The following PRKAG2 variants were observed in gnomAD, a reference collection of about 807,000 sequenced individuals.
PRKAG2 encodes the protein 5'-AMP-activated protein kinase subunit gamma-2.
PRKAG2 carries 26 observed loss-of-function variants against 69.6 expected under a neutral mutation model. That is an observed-to-expected ratio of 0.37 (90% CI 0.27 to 0.52). The LOEUF (loss-of-function observed/expected upper bound fraction) is 0.52. Among genes scored for constraint, PRKAG2 ranks in the 20% least tolerant of loss-of-function variants. The pLI is 0.90. For synonymous variants in PRKAG2, 293 were observed against 285.0 expected (o/e 1.03, Z -0.28); for missense variants, 557 against 740.0 (o/e 0.75, Z 2.87).
intron 1 of PRKAG2, among the ~76,000 whole-genome samples, chr7:151,819,154 AC>A (rs1485557769): frequency 6.6e-6 from 1 of 152,130 alleles, no homozygotes; most frequent in Non-Finnish European, 1.5e-5. Flanking sequence ...AGCCCCGGTG[AC>A]CTGGACGCTA....
chr7:151,576,404 G>C lies in PRKAG2; in HGVS notation c.913C>G (p.Pro305Ala), dbSNP rs767304528. 6.2e-7 allele frequency: 1 copy of C among 1,611,858 alleles called. No homozygotes were observed. Among genetic ancestry groups the C allele is most frequent in the South Asian group, 1.1e-5 (1 of 91,024 alleles). Reference protein sequence around the residue: ...ALVANGVRAAPLWESKKQSFV... With the variant: ...ALVANGVRAAALWESKKQSFV... ...CTTTGTTTTTTACTCTCCCACAGTGGCGCTGCTCGGACACCGTTGGCTACC... is the reference window on the plus strand; with the variant it reads ...CTTTGTTTTTTACTCTCCCACAGTGCCGCTGCTCGGACACCGTTGGCTACC... The change falls in exon 7 of 16, where the codon CCA becomes GCA. Residue 305 changes from proline to alanine, a missense_variant. Pro to Ala is a conservative substitution (Grantham distance 27, BLOSUM62 -1). Around this residue, in one of 2 missense-constraint regions of PRKAG2, gnomAD observed 205 missense variants for 383.4 expected, o/e 0.53. Transcript: ENST00000287878.
At position 151,619,343 on chromosome 7, in the gene PRKAG2, A is replaced by C. The variant is rs1820922954; in HGVS notation, c.754+12726T>G. Among the ~76,000 whole-genome samples the C allele has an allele frequency of 2.0e-5, 3 of 152,366 alleles. No individual in the cohort carries two copies. In the South Asian group the frequency reaches 6.2e-4, roughly 32 times the overall value. ...GAGTGAGACCCACCTTGGCAGGTAC[A>C]GTGGAGCATCCATAATCCAAAAACG... On this transcript the variant is annotated intron_variant, in intron 5 of 15. Transcript: ENST00000287878.
chr7:151,814,865 G>C lies in PRKAG2; in HGVS notation c.115-28324C>G. The C allele has an allele frequency of 1.6e-6, 2 of 1,231,764 alleles. No individual in the cohort carries two copies. Among genetic ancestry groups the C allele is most frequent in the Non-Finnish European group, 2.0e-6 (2 of 987,998 alleles). The allele number at this position is 1,231,764 out of a possible 1,614,324, so 76.3% of individuals were successfully genotyped here. A position where few individuals can be genotyped will look rare whatever the true frequency, so the allele number is the denominator to read the frequency against. Reference sequence around the variant, plus strand: ...CACCTGTGTCAGGCGCTGCTGGGGAGGAAACTCCTTACCACACAGCAAGCC... The same window carrying C: ...CACCTGTGTCAGGCGCTGCTGGGGACGAAACTCCTTACCACACAGCAAGCC... On this transcript the variant is annotated intron_variant, in intron 1 of 15. Transcript: ENST00000287878. This position sits in a 1 kb window ranked among gnomAD's most constrained non-coding sequence, Gnocchi z 4.8.
rs996981715 is a variant in PRKAG2, at chr7:151,614,671, G to C, written c.754+17398C>G. Among the ~76,000 whole-genome samples the C allele has an allele frequency of 1.3e-5, 2 of 152,180 alleles. No homozygotes were observed. Among genetic ancestry groups the C allele is most frequent in the African/African-American group, 4.8e-5 (2 of 41,442 alleles). Reference sequence around the variant, plus strand: ...TCTTTCAGAGCAAACAGCTCGCAGTGATGATCTGTGGCCCTAAGCCCACTT... The same window carrying C: ...TCTTTCAGAGCAAACAGCTCGCAGTCATGATCTGTGGCCCTAAGCCCACTT... On this transcript the variant is annotated intron_variant, in intron 5 of 15. Transcript: ENST00000287878. The surrounding 1 kb of genome is among the most constrained non-coding windows in gnomAD (Gnocchi z 4.4).
At chr7:151,786,330 G>T in intron 2 of PRKAG2, 140 bp downstream of exon 2, 1 of 829,704 alleles carries the variant, frequency 1.2e-6, no homozygotes, top group Non-Finnish European at 2.0e-6. Context: ...TCGCAGGATG[G>T]GCTCGGTTAC....
chr7:151,646,874 C>T (rs1407509623), intron 4 of PRKAG2, among the ~76,000 whole-genome samples: 3 of 152,240 alleles, frequency 2.0e-5, no homozygotes, highest in Admixed American at 6.5e-5. Context: ...CACCATTTGA[C>T]GTGTGCACAC....
chr7:151,680,793 A>G lies in PRKAG2; in HGVS notation c.467-5156T>C, dbSNP rs150724186. On this transcript the variant is annotated intron_variant, in intron 3 of 15. Transcript: ENST00000287878. ...CTGTGCAGGGGTGTCTCCCACGAGG[A>G]CCAGGACCAGGACCTCTGTCCTGTC... is the stretch of plus-strand genomic sequence containing the variant. Among the ~76,000 whole-genome samples, 272 of 152,266 alleles carry G rather than the reference A, an allele frequency of 1.8e-3. 1 individual carries two copies. Among genetic ancestry groups the G allele is most frequent in the African/African-American group, 6.3e-3 (262 of 41,566 alleles).
chr7:151,742,136 G>C (rs554150923), intron 3 of PRKAG2, among the ~76,000 whole-genome samples: 343 of 152,222 alleles, frequency 2.3e-3, no homozygotes, highest in Non-Finnish European at 3.7e-3. Flanking sequence ...ATGTGGACCC[G>C]ATTCCCAAAT....
chr7:151,804,345 G>A (rs1038913303), intron 1 of PRKAG2, among the ~76,000 whole-genome samples: 1 of 152,214 alleles, frequency 6.6e-6, no homozygotes, highest in Non-Finnish European at 1.5e-5. Flanking sequence ...TCCCAGAAGT[G>A]TGGCTGCTGC....
intron 1 of PRKAG2, among the ~76,000 whole-genome samples, chr7:151,808,071 C>T (rs748935463): frequency 2.6e-5 from 4 of 152,144 alleles, no homozygotes; most frequent in Non-Finnish European, 4.4e-5. Context: ...TGAGGAACCC[C>T]GGCCACAGCG....
chr7:151,739,256 A>C (rs1050912855), intron 3 of PRKAG2, among the ~76,000 whole-genome samples: 8 of 152,196 alleles, frequency 5.3e-5, no homozygotes, highest in African/African-American at 1.9e-4. Flanking sequence ...CTTCCTGCCT[A>C]GGGGACCTGA....
intron 3 of PRKAG2, among the ~76,000 whole-genome samples, chr7:151,676,008 G>C (rs749717724): frequency 6.6e-6 from 1 of 152,234 alleles, no homozygotes; most frequent in African/African-American, 2.4e-5. Context: ...CATTGGGAAC[G>C]GGGTGCTCAC....
At chr7:151,704,562 T>C (rs539071776) in intron 3 of PRKAG2, among the ~76,000 whole-genome samples, 40 of 152,332 alleles carry the variant, frequency 2.6e-4, no homozygotes, top group African/African-American at 8.7e-4. Flanking sequence ...TCTGGGGCTA[T>C]TATAAATGAT....
intron 6 of PRKAG2, among the ~76,000 whole-genome samples, chr7:151,581,330 C>T (rs1404306758): frequency 6.6e-6 from 1 of 152,186 alleles, no homozygotes; most frequent in Non-Finnish European, 1.5e-5. Context: ...ATTGTCAATA[C>T]AGAAAGTAAA....
At chr7:151,572,902 C>T (rs1177344880) in intron 8 of PRKAG2, among the ~76,000 whole-genome samples, 193 bp from the exon 9 acceptor site, 1 of 152,118 alleles carries the variant, frequency 6.6e-6, no homozygotes, top group Non-Finnish European at 1.5e-5. Context: ...CACCTGAGGT[C>T]AGGAGTTTGA....
chr7:151,630,446 T>C (rs527733776), intron 5 of PRKAG2, among the ~76,000 whole-genome samples: 2 of 152,368 alleles, frequency 1.3e-5, no homozygotes, highest in South Asian at 2.1e-4. Flanking sequence ...GTACTCACTA[T>C]GGGTTTACAC....
At chr7:151,794,286 C>G (rs892444016) in intron 1 of PRKAG2, among the ~76,000 whole-genome samples, 5 of 152,256 alleles carry the variant, frequency 3.3e-5, no homozygotes, top group Non-Finnish European at 7.3e-5. Context: ...TTGCTCAAAA[C>G]CAAGTAGCTG....
chr7:151,703,401 C>T (rs140756197), intron 3 of PRKAG2, among the ~76,000 whole-genome samples: 1,868 of 152,318 alleles, frequency 0.012, 17 homozygotes, highest in Non-Finnish European at 0.014. Flanking sequence ...ATTCTGCTCT[C>T]CGCTGTGGCC....
At chr7:151,755,786 CAG>C (rs781662770) in intron 3 of PRKAG2, among the ~76,000 whole-genome samples, 1 of 152,170 alleles carries the variant, frequency 6.6e-6, no homozygotes, top group African/African-American at 2.4e-5. Context: ...CCTTGCTGGG[CAG>C]AGTCATTTCC....
Sources: allele counts gnomAD v4.1 joint callset (sites outside exome capture counted in the v4.1 genomes callset), GRCh38; gene constraint gnomAD v4.1.1; regional missense constraint gnomAD v4.1.1; non-coding constraint Gnocchi (gnomAD v3.1); transcripts MANE v1.5; gene names NCBI Gene and HGNC (gene_info 2026-07-23, HGNC 2026-07-21).